POLG: variants seen among roughly 807,000 people sequenced by gnomAD.
The protein encoded by POLG is DNA polymerase gamma, catalytic subunit, also known as DNA polymerase subunit gamma-1.
A neutral mutation model predicts 155.4 loss-of-function variants in POLG; 110 were observed. That is an observed-to-expected ratio of 0.71 (90% CI 0.61 to 0.83). POLG has a LOEUF of 0.83. POLG is among the 40% of genes least tolerant of loss of function. POLG has a pLI of 0.00. For missense variants in POLG, 1,685 were observed against 1,627.5 expected (o/e 1.04, Z -0.61); for synonymous variants, 701 against 631.5 (o/e 1.11, Z -1.65).
At chr15:89,325,111 A>AGAGTGAGTGAGT (rs554059036) in intron 10 of POLG, among the ~76,000 whole-genome samples, 20 of 36,928 alleles carry the variant, frequency 5.4e-4, no homozygotes, top group South Asian at 8.3e-4. Flanking sequence ...AGAGTGAGAG[A>AGAGTGAGTGAGT]GAGTGAGTGA....
At chr15:89,329,450 C>T (rs1178389693) in intron 3 of POLG, among the ~76,000 whole-genome samples, 1 of 152,174 alleles carries the variant, frequency 6.6e-6, no homozygotes, top group Admixed American at 6.5e-5. Flanking sequence ...TCTGGTCTGG[C>T]CCCAACCCTG....
In POLG at chr15:89,325,286, G is replaced by GAA. The variant is rs1232400206; in HGVS notation, c.1949+163_1949+164insTT. ...AGTGAGTGAGTGAGAGAGAGAGAAA[G>GAA]AGAGAGAGAGAGGGTGTGTGTGTGT... On this transcript the variant is annotated intron_variant, in intron 10 of 22. Coordinates refer to ENST00000268124, the MANE Select transcript of POLG (RefSeq NM_002693.3). Among the ~76,000 whole-genome samples, 119 of 110,804 alleles carry GAA rather than the reference G, an allele frequency of 1.1e-3. 25 individuals carry two copies. Among genetic ancestry groups the GAA allele is most frequent in the African/African-American group, 4.6e-3 (111 of 24,132 alleles). 72.7% of individuals were successfully genotyped at this position (110,804 alleles called of 152,430 possible).
chr15:89,319,244 T>C lies in POLG; in HGVS notation c.3088A>G (p.Arg1030Gly). The C allele has an allele frequency of 6.2e-7, 1 of 1,614,176 alleles. No homozygotes were observed. The highest frequency in any genetic ancestry group is 8.5e-7 in the Non-Finnish European group (1 of 1,180,034). Reference sequence around the variant, plus strand: ...GGTTCTTACTTCCTTGCAGTTTCTCTCTGGACCTTGCGCAGATCCTGCAGG... The same window carrying C: ...GGTTCTTACTTCCTTGCAGTTTCTCCCTGGACCTTGCGCAGATCCTGCAGG... Reference protein sequence around the residue: ...ISLQDLRKVQRETARKSQWKK... With the variant: ...ISLQDLRKVQGETARKSQWKK... Residue 1030 changes from arginine to glycine, a missense_variant, in exon 19 of 23, where the codon AGA (arginine) becomes GGA (glycine). Around this residue, in one of 3 missense-constraint regions of POLG, gnomAD observed 470 missense variants for 439.9 expected, o/e 1.07. Transcript: ENST00000268124.
Position 89,327,042 on chromosome 15 carries a change from G to C in POLG, c.1455C>G (p.Leu485=). The change falls in exon 8 of 23, where the codon CTC becomes CTG. Residue 485 remains leucine (L), a synonymous_variant. Coordinates refer to ENST00000268124, the MANE Select transcript of POLG (RefSeq NM_002693.3). ...CTTGCAGGTCCCACTCCAGGTCCCA[G>C]AGCCAGGGGTCTTCTTTGTACCTAC... is the stretch of plus-strand genomic sequence containing the variant. ...SGERYKEDPW[L]WDLEWDLQEF... The C allele has an allele frequency of 3.1e-6, 5 of 1,614,222 alleles. No individual in the cohort carries two copies. The highest frequency in any genetic ancestry group is 4.2e-6 in the Non-Finnish European group (5 of 1,180,048).
chr15:89,329,587 G>C (rs993043421), intron 3 of POLG, among the ~76,000 whole-genome samples: 2 of 152,130 alleles, frequency 1.3e-5, no homozygotes, highest in Admixed American at 1.3e-4. Flanking sequence ...AAGATCCAGT[G>C]AAAAAACACT....
chr15:89,331,285 T>C (rs150056583), intron 2 of POLG, among the ~76,000 whole-genome samples: 1 of 152,218 alleles, frequency 6.6e-6, no homozygotes, highest in Non-Finnish European at 1.5e-5. Context: ...GCCAAGGGAC[T>C]GAAAGAAATC....
At position 89,320,641 on chromosome 15, in the gene POLG, G is replaced by A. The variant is rs575267384; in HGVS notation, c.2981+125C>T. 101 of 1,078,614 alleles carry A rather than the reference G, an allele frequency of 9.4e-5. No individual in the cohort carries two copies. In the African/African-American group the frequency reaches 1.0e-3, roughly 11 times the overall value. The allele number at this position is 1,078,614 out of a possible 1,614,324, so 66.8% of individuals were successfully genotyped here. ...TCCTGGAACCAGGTTACACAGGTGT[G>A]GAAGGAGAGGGGCTAGGTGAGAGTT... On this transcript the variant is annotated intron_variant, in intron 18 of 22. Transcript: ENST00000268124.
At chr15:89,327,470 C>T (rs776890015) in intron 6 of POLG, 121 bp from the exon 7 acceptor site, 46 of 869,500 alleles carry the variant, frequency 5.3e-5, no homozygotes, top group East Asian at 1.0e-4. Context: ...AAAAGTCAGA[C>T]GGCATTAAAT....
Position 89,318,705 on chromosome 15 carries a change from A to C in POLG, c.3318T>G (p.Val1106=). Residue 1106 remains valine, a synonymous_variant, in exon 21 of 23, where the codon GTT becomes GTG. Transcript: ENST00000268124. ...CCACAAGCATGAGGTGTAAGTAGTCAACAGCAGAGCTCTGTACCACCCAAT... is the reference window on the plus strand; with the variant it reads ...CCACAAGCATGAGGTGTAAGTAGTCCACAGCAGAGCTCTGTACCACCCAAT... ...RVNWVVQSSA[V]DYLHLMLVAM... 2 of 1,614,244 alleles carry C rather than the reference A, an allele frequency of 1.2e-6. No homozygotes were observed. The highest frequency in any genetic ancestry group is 1.7e-6 in the Non-Finnish European group (2 of 1,180,038).
chr15:89,319,368 A>C lies in POLG; in HGVS notation c.2982-18T>G. 6.2e-7 allele frequency: 1 copy of C among 1,613,152 alleles called. No homozygotes were observed. ...GCCGATACCTGGGGGCAGTGTTATC[A>C]CCATCATTCCACGGGAGTGCTTCCT... On this transcript the variant is annotated intron_variant, in intron 18 of 22. Coordinates refer to ENST00000268124, the MANE Select transcript of POLG (RefSeq NM_002693.3).
chr15:89,316,602 A>T lies in POLG; in HGVS notation c.*149T>A. On this transcript the variant is annotated 3_prime_UTR_variant, in exon 23 of 23. Coordinates refer to ENST00000268124, the MANE Select transcript of POLG (RefSeq NM_002693.3). ...TGAATTCAACTGCACCTTCAGTTAG[A>T]AGGAATCTTCTTGGCAGGTCCTGCT... 1 of 1,109,918 alleles carries T rather than the reference A, an allele frequency of 9.0e-7. No individual in the cohort carries two copies. The highest frequency in any genetic ancestry group is 2.0e-5 in the Admixed American group (1 of 51,274). 68.8% of individuals were successfully genotyped at this position (1,109,918 alleles called of 1,614,324 possible). A position where few individuals can be genotyped will look rare whatever the true frequency, so the allele number is the denominator to read the frequency against.
In POLG at chr15:89,316,832, AAGAT is replaced by A. The variant is rs1361303371; in HGVS notation, c.3644-9_3644-6del. 1.2e-6 allele frequency: 2 copies of A among 1,610,736 alleles called. No homozygotes were observed. The highest frequency in any genetic ancestry group is 1.7e-6 in the Non-Finnish European group (2 of 1,176,898). On this transcript the variant is annotated splice_region_variant and splice_polypyrimidine_tract_variant and intron_variant, in intron 22 of 22. Coordinates refer to ENST00000268124, the MANE Select transcript of POLG (RefSeq NM_002693.3). ...GGTAAATATCCAGCGCTTCACCTGA[AAGAT>A]AGTGCAAATTGGTTAGGATGCCACC... is the stretch of plus-strand genomic sequence containing the variant.
At position 89,326,672 on chromosome 15, in the gene POLG, T is replaced by C. The variant is rs1596357794; in HGVS notation, c.1652A>G (p.Lys551Arg). 1 of 1,614,076 alleles carries C rather than the reference T, an allele frequency of 6.2e-7. No individual in the cohort carries two copies. Among genetic ancestry groups the C allele is most frequent in the Non-Finnish European group, 8.5e-7 (1 of 1,180,006 alleles). The change falls in exon 9 of 23, where the codon AAG becomes AGG. Residue 551 changes from lysine to arginine, a missense_variant. This residue lies in a region of POLG where 1,210 missense variants were observed against 1,167.1 expected (regional missense o/e 1.04). Transcript: ENST00000268124. ...QDVMARACLQ[K>R]LKGTTELLPK... ...CAGGAGCTCTGTGGTCCCCTTCAGC[T>C]TCTGCAAGCAGGCGCGGGCCATGAC...
intron 14 of POLG, 118 bp downstream of exon 14, chr15:89,322,624 A>G (rs1195620394): frequency 9.1e-7 from 1 of 1,099,410 alleles, no homozygotes; most frequent in Non-Finnish European, 1.4e-6. Flanking sequence ...GACCAAAAGT[A>G]GCCAGGCCTC....
chr15:89,327,633 G>A (rs2055540317), intron 6 of POLG, among the ~76,000 whole-genome samples: 1 of 152,224 alleles, frequency 6.6e-6, no homozygotes, highest in South Asian at 2.1e-4. Context: ...CACACGTGGA[G>A]TAATGACTCT....
Position 89,321,199 on chromosome 15 carries a change from A to C in POLG, c.2660T>G (p.Val887Gly). Residue 887 changes from valine to glycine, a missense_variant, in exon 17 of 23, where the codon GTG becomes GGG. Around this residue, in one of 3 missense-constraint regions of POLG, gnomAD observed 1,210 missense variants for 1,167.1 expected, o/e 1.04. Coordinates refer to ENST00000268124, the MANE Select transcript of POLG (RefSeq NM_002693.3). ...MVQAPPGYTL[V>G]GADVDSQELW... ...CTCTTGGGAGTCCACATCAGCACCC[A>C]CAAGGGTGTAGCCAGGTGGGGCCTG... The C allele has an allele frequency of 6.2e-7, 1 of 1,614,194 alleles. No individual in the cohort carries two copies. Among genetic ancestry groups the C allele is most frequent in the Non-Finnish European group, 8.5e-7 (1 of 1,180,010 alleles).
At chr15:89,332,365 T>C (rs908641858) in intron 2 of POLG, 13 of 152,218 alleles carry the variant, frequency 8.5e-5, no homozygotes, top group African/African-American at 2.9e-4. Context: ...TTGTAAATAG[T>C]ATTTTAATCC....
chr15:89,317,268 G>C (rs2055302711), intron 22 of POLG, 108 bp downstream of exon 22: 1 of 910,610 alleles, frequency 1.1e-6, no homozygotes, highest in African/African-American at 1.6e-5. Flanking sequence ...AATATAGCCT[G>C]AGTCAAGAGT....
At position 89,324,240 on chromosome 15, in the gene POLG, C is replaced by T. The variant is rs577747971; in HGVS notation, c.1950-13G>A. ...GGACTCGATGGCTCTGGGCAGAGAA[C>T]AGTAGCAGCAGCAGCCGCTGATTAC... is the stretch of plus-strand genomic sequence containing the variant. On this transcript the variant is annotated splice_polypyrimidine_tract_variant and intron_variant, in intron 10 of 22. Coordinates refer to ENST00000268124, the MANE Select transcript of POLG (RefSeq NM_002693.3). The T allele has an allele frequency of 4.3e-6, 7 of 1,610,616 alleles. No homozygotes were observed. The South Asian group carries it at 7.7e-5, about 18-fold the overall frequency.
Sources: gnomAD v4.1 joint callset for allele counts (sites outside exome capture counted in the v4.1 genomes callset) on GRCh38, gnomAD v4.1.1 for gene constraint, gnomAD v4.1.1 regional missense constraint, MANE v1.5 for transcripts, NCBI Gene and HGNC (gene_info 2026-07-23, HGNC 2026-07-21) for gene names.